COL12A1: variants seen among roughly 807,000 people sequenced by gnomAD.
The protein encoded by COL12A1 is collagen alpha-1(XII) chain.
In COL12A1, 114 loss-of-function variants were observed where a neutral mutation model predicts 349.7. That is an observed-to-expected ratio of 0.33 (90% CI 0.28 to 0.38). The LOEUF is 0.38. Ranked by LOEUF, COL12A1 falls within the 10% of genes least tolerant of loss-of-function variation. The probability of loss-of-function intolerance (pLI) is 1.00; values close to 1 mark genes in which losing one functional copy is unlikely to be tolerated. For synonymous variants in COL12A1, 1,369 were observed against 1,329.0 expected, an observed-to-expected ratio of 1.03 and a Z score of -0.66; for missense variants, 3,284 against 3,756.9, an observed-to-expected ratio of 0.87 and a Z score of 3.29.
intron 13 of COL12A1, 134 bp downstream of exon 13, chr6:75,174,904 G>A (rs1768833592): frequency 9.5e-7 from 1 of 1,047,616 alleles, no homozygotes; most frequent in Admixed American, 2.7e-5. Context: ...ATGGTTATTT[G>A]TTTTTCAATA....
rs919500888 is a variant in COL12A1 at position 75,155,036 on chromosome 6, A to G, written c.3444-499T>C. 5.9e-5 allele frequency among the ~76,000 whole-genome samples: 9 copies of G among 152,338 alleles called. No individual in the cohort carries two copies. In the South Asian group the frequency reaches 1.2e-3, roughly 21 times the overall value. ...ATTTATATAGATTTCAATAGTCTTG[A>G]ATGAATGATTGAAAAACAAACTTCC... On this transcript the variant is annotated intron_variant, in intron 16 of 65. Transcript: ENST00000322507.
chr6:75,117,300 CCACAAAGGA>C (rs1769129245), intron 47 of COL12A1, 73 bp downstream of exon 47: 1 of 1,411,286 alleles, frequency 7.1e-7, no homozygotes, highest in South Asian at 1.3e-5. Context: ...AGACTTGATC[CCACAAAGGA>C]TATAGAATTG....
At chr6:75,144,800 A>C (rs1467589506) in intron 25 of COL12A1, among the ~76,000 whole-genome samples, 3 of 152,216 alleles carry the variant, frequency 2.0e-5, no homozygotes, top group Non-Finnish European at 4.4e-5. Context: ...ATAATAGGGG[A>C]TCAATATATC....
chr6:75,103,425 A>C (rs1207958829), intron 55 of COL12A1, among the ~76,000 whole-genome samples: 1 of 152,170 alleles, frequency 6.6e-6, no homozygotes, highest in Admixed American at 6.5e-5. Context: ...TAGTGCTCCC[A>C]ACAGGCTCCA....
chr6:75,095,078 T>C, intron 60 of COL12A1, 30 bp downstream of exon 60: 1 of 1,602,776 alleles, frequency 6.2e-7, no homozygotes, highest in Non-Finnish European at 8.5e-7. Context: ...GTGAAACCAC[T>C]GTCAGTAGAC....
At chr6:75,095,311 C>A in intron 59 of COL12A1, 132 bp from the exon 60 acceptor site, 1 of 692,786 alleles carries the variant, frequency 1.4e-6, no homozygotes, top group Non-Finnish European at 2.4e-6. Context: ...AAAATAAAAC[C>A]AAATTTTAAG....
At chr6:75,137,295 A>G in intron 31 of COL12A1, 142 bp downstream of exon 31, 2 of 740,852 alleles carry the variant, frequency 2.7e-6, no homozygotes, top group Non-Finnish European at 4.2e-6. Context: ...TGCCAGCTAA[A>G]GAGTCAGATT....
At chr6:75,109,782 T>TC (rs1291802466) in intron 51 of COL12A1, among the ~76,000 whole-genome samples, 4 of 152,110 alleles carry the variant, frequency 2.6e-5, no homozygotes, top group Non-Finnish European at 5.9e-5. Context: ...ACACAGAATG[T>TC]TAACAACTCT....
chr6:75,106,514 C>G lies in COL12A1; in HGVS notation c.8101-18G>C, dbSNP rs1275585353. 1.2e-6 allele frequency: 2 copies of G among 1,612,422 alleles called. No individual in the cohort carries two copies. The highest frequency in any genetic ancestry group is 1.7e-6 in the Non-Finnish European group (2 of 1,178,650). On this transcript the variant is annotated intron_variant, in intron 52 of 65. Coordinates refer to ENST00000322507, the MANE Select transcript of COL12A1 (RefSeq NM_004370.6). ...ATTTGGAACTGCAAACAACCAACAG[C>G]AACATCAGCTAAAGATGCATGAAAA...
intron 13 of COL12A1, among the ~76,000 whole-genome samples, chr6:75,166,240 T>G (rs1768300583): frequency 6.6e-6 from 1 of 152,184 alleles, no homozygotes; most frequent in Admixed American, 6.6e-5. Context: ...CAATGCATGA[T>G]TTACAACAAC....
intron 2 of COL12A1, among the ~76,000 whole-genome samples, chr6:75,199,496 A>G (rs1293357256): frequency 6.6e-6 from 1 of 152,196 alleles, no homozygotes; most frequent in Non-Finnish European, 1.5e-5. Flanking sequence ...AATCAGACTA[A>G]CCAAAATTAA....
intron 27 of COL12A1, 91 bp from the exon 28 acceptor site, chr6:75,139,052 T>C (rs1226526561): frequency 6.9e-7 from 1 of 1,445,184 alleles, no homozygotes; most frequent in South Asian, 1.3e-5. Context: ...TTTATATTAA[T>C]GGACATCTGA....
At chr6:75,186,807 G>A (rs1410052689) in intron 8 of COL12A1, among the ~76,000 whole-genome samples, 1 of 152,128 alleles carries the variant, frequency 6.6e-6, no homozygotes, top group Non-Finnish European at 1.5e-5. Flanking sequence ...ACAAGATCAT[G>A]TCCTTTGCAG....
chr6:75,147,902 C>A, intron 22 of COL12A1, 98 bp from the exon 23 acceptor site: 2 of 1,285,346 alleles, frequency 1.6e-6, no homozygotes, highest in Non-Finnish European at 2.1e-6. Flanking sequence ...AGCTTAGAAT[C>A]TATATTTCAA....
rs1484597960 is a variant in COL12A1, at chr6:75,175,044, G to C, written c.2704C>G (p.Leu902Val). The C allele has an allele frequency of 6.2e-7, 1 of 1,613,902 alleles. No homozygotes were observed. Among genetic ancestry groups the C allele is most frequent in the Non-Finnish European group, 8.5e-7 (1 of 1,179,978 alleles). Residue 902 changes from leucine (L) to valine (V), a missense_variant, in exon 13 of 66, where the codon CTT becomes GTT. This residue lies in a region of COL12A1 where 2,601 missense variants were observed against 2,824.8 expected (regional missense o/e 0.92). Coordinates refer to ENST00000322507, the MANE Select transcript of COL12A1 (RefSeq NM_004370.6). Reference protein sequence around the residue: ...GDALFGEGTTLEERGSPQDLV... With the variant: ...GDALFGEGTTVEERGSPQDLV... The stretch of plus-strand genomic sequence containing the variant: ...AAAATATGATGGTAATTACCTTCAA[G>C]TGTTGTTCCTTCACCAAAGAGGGCG...
chr6:75,148,663 T>A (rs1767324450), intron 21 of COL12A1, among the ~76,000 whole-genome samples, 166 bp from the exon 22 acceptor site: 1 of 152,210 alleles, frequency 6.6e-6, no homozygotes, highest in South Asian at 2.1e-4. Flanking sequence ...TCATCACCTG[T>A]AAGACCGTTA....
chr6:75,140,648 T>C (rs1395201944), intron 27 of COL12A1, among the ~76,000 whole-genome samples: 2 of 117,866 alleles, frequency 1.7e-5, no homozygotes, highest in African/African-American at 9.1e-5. Context: ...AGAGCGAGAC[T>C]CTGTCTCAAA....
At chr6:75,105,421 GAATA>G in intron 53 of COL12A1, 129 bp from the exon 54 acceptor site, 4 of 672,974 alleles carry the variant, frequency 5.9e-6, no homozygotes, top group Non-Finnish European at 7.8e-6. Context: ...TTATCATTAT[GAATA>G]GTCTTATGTT....
intron 2 of COL12A1, among the ~76,000 whole-genome samples, chr6:75,198,296 C>G (rs894970671): frequency 6.6e-6 from 1 of 152,038 alleles, no homozygotes; most frequent in Admixed American, 6.6e-5. Flanking sequence ...ATAAATCACT[C>G]CCACATGCTT....
Sources: gnomAD v4.1 joint callset for allele counts (sites outside exome capture counted in the v4.1 genomes callset) on GRCh38, gnomAD v4.1.1 for gene constraint, gnomAD v4.1.1 regional missense constraint, MANE v1.5 for transcripts, NCBI Gene and HGNC (gene_info 2026-07-23, HGNC 2026-07-21) for gene names.